Variants in MAF observed in about 807,000 individuals in gnomAD.
The protein encoded by MAF is transcription factor Maf.
In MAF, 10 loss-of-function variants were observed where a neutral mutation model predicts 22.0. That is an observed-to-expected ratio of 0.45 (90% CI 0.28 to 0.77). The LOEUF (loss-of-function observed/expected upper bound fraction) is 0.77. Among genes scored for constraint, MAF ranks in the 30% least tolerant of loss-of-function variants. The pLI is 0.12. For synonymous variants in MAF, 337 were observed against 255.8 expected (o/e 1.32, Z -3.03); for missense variants, 544 against 548.4 (o/e 0.99, Z 0.08).
the MAF span, among the ~76,000 whole-genome samples, chr16:79,292,968 G>A: frequency 6.6e-6 from 1 of 152,126 alleles, no homozygotes; most frequent in Non-Finnish European, 1.5e-5. Context: ...TCTGGGAGTT[G>A]CCCACCCCTT....
the MAF span, among the ~76,000 whole-genome samples, chr16:79,273,523 T>C: frequency 6.6e-6 from 1 of 152,214 alleles, no homozygotes. Context: ...TCAAGGTGTC[T>C]GCCAGGCTGT....
chr16:79,218,752 C>T, the MAF span, among the ~76,000 whole-genome samples: 105 of 152,314 alleles, frequency 6.9e-4, no homozygotes, highest in African/African-American at 1.9e-3. Flanking sequence ...AGTGGAAATT[C>T]AAAGTGAGTC....
At chr16:79,402,703 T>G in the MAF span, among the ~76,000 whole-genome samples, 1 of 152,212 alleles carries the variant, frequency 6.6e-6, no homozygotes, top group Non-Finnish European at 1.5e-5. Flanking sequence ...AGGGCAGGTT[T>G]CTGGAGCCCC....
At chr16:79,513,339 A>T in the MAF span, among the ~76,000 whole-genome samples, 1 of 152,240 alleles carries the variant, frequency 6.6e-6, no homozygotes, top group East Asian at 1.9e-4. Context: ...AAAGCGTGTC[A>T]CAAAACCTTG....
chr16:79,347,074 G>C, the MAF span, among the ~76,000 whole-genome samples: 1 of 152,288 alleles, frequency 6.6e-6, no homozygotes, highest in Admixed American at 6.5e-5. Context: ...GCACCTAGTA[G>C]GGGATCTGGC....
At chr16:79,571,527 G>C in the MAF span, among the ~76,000 whole-genome samples, 1 of 115,910 alleles carries the variant, frequency 8.6e-6, no homozygotes, top group Non-Finnish European at 1.7e-5. Flanking sequence ...ACATCTCAGC[G>C]GAATTTTTTT....
At chr16:79,509,195 C>G in the MAF span, among the ~76,000 whole-genome samples, 1 of 152,176 alleles carries the variant, frequency 6.6e-6, no homozygotes, top group Non-Finnish European at 1.5e-5. Context: ...GGCGTGGTAG[C>G]AAACCCTTGG....
the MAF span, among the ~76,000 whole-genome samples, chr16:79,351,766 C>G: frequency 1.3e-5 from 2 of 152,022 alleles, no homozygotes; most frequent in African/African-American, 4.8e-5. Flanking sequence ...TTTCCAGTGA[C>G]AAGTGTCGGG....
At chr16:79,591,689 C>T (rs577221872), downstream of MAF, among the ~76,000 whole-genome samples, 164 of 152,258 alleles carry the variant, frequency 1.1e-3, no homozygotes, top group African/African-American at 3.9e-3. Flanking sequence ...TTTGCTCTTC[C>T]CATCTCAGCC....
chr16:79,373,745 C>T, the MAF span, among the ~76,000 whole-genome samples: 1 of 152,018 alleles, frequency 6.6e-6, no homozygotes, highest in Non-Finnish European at 1.5e-5. Context: ...CATGTGATGC[C>T]CTGAGCTGCC....
chr16:79,288,839 C>G, the MAF span, among the ~76,000 whole-genome samples: 2 of 152,210 alleles, frequency 1.3e-5, no homozygotes, highest in African/African-American at 2.4e-5. Flanking sequence ...AAGCAATTCT[C>G]CTGCCTCAGC....
At chr16:79,496,631 A>G in the MAF span, among the ~76,000 whole-genome samples, 1 of 152,222 alleles carries the variant, frequency 6.6e-6, no homozygotes, top group Non-Finnish European at 1.5e-5. Flanking sequence ...ATATGGATAT[A>G]GTTTTCAAAG....
At chr16:79,494,997 T>C in the MAF span, among the ~76,000 whole-genome samples, 4 of 152,306 alleles carry the variant, frequency 2.6e-5, no homozygotes, top group South Asian at 6.2e-4. Flanking sequence ...AGGACAGGTA[T>C]GGTGAGTAGG....
At chr16:79,577,428 T>C in the MAF span, among the ~76,000 whole-genome samples, 1 of 152,208 alleles carries the variant, frequency 6.6e-6, no homozygotes, top group Non-Finnish European at 1.5e-5. Flanking sequence ...AATTGCTTTG[T>C]GCCTGAGTCT....
At chr16:79,598,233 T>A (rs1913684247) in intron 1 of MAF, 1 of 1,052,164 alleles carries the variant, frequency 9.5e-7, no homozygotes, top group Admixed American at 5.3e-5. Context: ...GGAAAAAAGG[T>A]GGGCAACACA....
chr16:79,576,174 T>C, the MAF span, among the ~76,000 whole-genome samples: 4 of 131,698 alleles, frequency 3.0e-5, no homozygotes, highest in Non-Finnish European at 6.2e-5. Context: ...GAATGACAAA[T>C]GAATTTTTCA....
chr16:79,570,976 C>T, the MAF span, among the ~76,000 whole-genome samples: 1 of 152,170 alleles, frequency 6.6e-6, no homozygotes, highest in Non-Finnish European at 1.5e-5. Flanking sequence ...TCTGTTCTAG[C>T]ATTCTCATCT....
the MAF span, among the ~76,000 whole-genome samples, chr16:79,468,439 G>C: frequency 6.6e-6 from 1 of 152,220 alleles, no homozygotes; most frequent in Admixed American, 6.5e-5. Flanking sequence ...CCTCTGGAGG[G>C]AGCCAAGTCC....
the MAF span, among the ~76,000 whole-genome samples, chr16:79,369,685 A>T: frequency 2.0e-5 from 3 of 152,226 alleles, no homozygotes; most frequent in African/African-American, 7.2e-5. Flanking sequence ...ATAAGGATTC[A>T]CTGAGAAATC....
Sources: allele counts gnomAD v4.1 joint callset (sites outside exome capture counted in the v4.1 genomes callset), GRCh38; gene constraint gnomAD v4.1.1; transcripts MANE v1.5; gene names NCBI Gene and HGNC (gene_info 2026-07-23, HGNC 2026-07-21).